The following DOK6 variants were observed in gnomAD, a reference collection of about 807,000 sequenced individuals.
DOK6 encodes downstream of tyrosine kinase 6.
Under a neutral mutation model 44.0 loss-of-function variants are expected in DOK6, and 22 were observed. The ratio of observed to expected loss-of-function variants is 0.50; its 90% confidence interval spans 0.36 to 0.71. The LOEUF (loss-of-function observed/expected upper bound fraction) is 0.71. Ranked by LOEUF, DOK6 falls within the 30% of genes least tolerant of loss-of-function variation. The pLI, the probability that DOK6 is intolerant of heterozygous loss-of-function variation, is 0.00. For missense variants in DOK6, 340 were observed against 416.4 expected (o/e 0.82, Z 1.60); for synonymous variants, 166 against 145.5 (o/e 1.14, Z -1.01).
chr18:69,659,857 T>C (rs1342757002), intron 3 of DOK6: 8 of 117,866 alleles, frequency 6.8e-5, no homozygotes, highest in Admixed American at 1.1e-4. Context: ...ATGTTATATA[T>C]ATATATATAA....
At chr18:69,813,623 G>A (rs1430652864) in intron 7 of DOK6, among the ~76,000 whole-genome samples, 1 of 152,138 alleles carries the variant, frequency 6.6e-6, no homozygotes, top group Non-Finnish European at 1.5e-5. Flanking sequence ...TAAGCAAGCT[G>A]GGTTTCATCT....
chr18:69,767,588 C>A, intron 7 of DOK6, among the ~76,000 whole-genome samples: 1 of 152,074 alleles, frequency 6.6e-6, no homozygotes, highest in East Asian at 1.9e-4. Flanking sequence ...CCCACCCTAC[C>A]ACTTACCCTC....
At chr18:69,661,569 A>G (rs1230803170) in intron 3 of DOK6, 1 of 152,238 alleles carries the variant, frequency 6.6e-6, no homozygotes, top group Non-Finnish European at 1.5e-5. Flanking sequence ...CCTTCCTATT[A>G]TACTCTGTAG....
chr18:69,566,173 T>C (rs1982975456), intron 2 of DOK6, among the ~76,000 whole-genome samples: 1 of 152,126 alleles, frequency 6.6e-6, no homozygotes, highest in Non-Finnish European at 1.5e-5. Flanking sequence ...AGTCTGGCTC[T>C]GTCACCCAGG....
At chr18:69,543,098 G>A in intron 1 of DOK6, among the ~76,000 whole-genome samples, 1 of 151,406 alleles carries the variant, frequency 6.6e-6, no homozygotes. Flanking sequence ...ACCCCGTAAT[G>A]GCCTTAGATT....
chr18:69,666,999 C>CT (rs1985677506), intron 3 of DOK6, among the ~76,000 whole-genome samples: 1 of 152,116 alleles, frequency 6.6e-6, no homozygotes, highest in Non-Finnish European at 1.5e-5. Flanking sequence ...AGGACCCCCC[C>CT]TCCCCGCCAT....
chr18:69,594,182 A>AT (rs35613271), intron 2 of DOK6, among the ~76,000 whole-genome samples: 4,282 of 148,108 alleles, frequency 0.029, 169 homozygotes, highest in African/African-American at 0.1. Context: ...ATTGATGTTT[A>AT]TTTTTTTTTT....
intron 7 of DOK6, among the ~76,000 whole-genome samples, chr18:69,792,183 T>G (rs148212417): frequency 1.3e-5 from 2 of 152,278 alleles, no homozygotes; most frequent in Non-Finnish European, 2.9e-5. Flanking sequence ...AGTCGAGTAA[T>G]GTGATTCTTC....
chr18:69,760,069 C>T (rs757224026), intron 7 of DOK6, among the ~76,000 whole-genome samples: 31 of 152,146 alleles, frequency 2.0e-4, no homozygotes, highest in Admixed American at 6.5e-5. Context: ...TGATAGTAGG[C>T]AGGCATATAA....
At chr18:69,787,462 G>A (rs558809246) in intron 7 of DOK6, among the ~76,000 whole-genome samples, 1 of 152,240 alleles carries the variant, frequency 6.6e-6, no homozygotes, top group Admixed American at 6.5e-5. Context: ...AAGAGAAAAT[G>A]GAATCAATAC....
intron 3 of DOK6, among the ~76,000 whole-genome samples, chr18:69,653,875 C>G (rs953237017): frequency 6.8e-5 from 7 of 102,456 alleles, no homozygotes; most frequent in African/African-American, 2.1e-4. Context: ...TTCAAACAAG[C>G]ATTCAATTAA....
intron 4 of DOK6, among the ~76,000 whole-genome samples, chr18:69,683,276 C>T (rs1215602487): frequency 1.3e-5 from 2 of 152,188 alleles, no homozygotes; most frequent in African/African-American, 2.4e-5. Context: ...ACAATAATGA[C>T]GACCTGCTCT....
At chr18:69,826,126 A>G (rs549935102) in intron 7 of DOK6, among the ~76,000 whole-genome samples, 28 of 152,100 alleles carry the variant, frequency 1.8e-4, no homozygotes, top group Non-Finnish European at 4.0e-4. Flanking sequence ...CAGGTCTATT[A>G]AGTAAATTGA....
At chr18:69,815,201 C>T (rs1441623752) in intron 7 of DOK6, among the ~76,000 whole-genome samples, 1 of 152,048 alleles carries the variant, frequency 6.6e-6, no homozygotes, top group Non-Finnish European at 1.5e-5. Flanking sequence ...AGGCGGGCCA[C>T]ACATCCTCCT....
At position 69,619,974 on chromosome 18, in the gene DOK6, T is replaced by G. The variant is rs1984402150; in HGVS notation, c.289+20476T>G. Among the ~76,000 whole-genome samples, 3 of 152,200 alleles carry G rather than the reference T, an allele frequency of 2.0e-5. No homozygotes were observed. The South Asian group carries it at 6.2e-4, about 31-fold the overall frequency. On this transcript the variant is annotated intron_variant, in intron 3 of 7. Coordinates refer to ENST00000382713, the MANE Select transcript of DOK6 (RefSeq NM_152721.6). The stretch of plus-strand genomic sequence containing the variant: ...ATGTTTCCTTTATATTTTTATATTC[T>G]AAAGGTTGTTAAATTAGTATGTTTT...
intron 1 of DOK6, among the ~76,000 whole-genome samples, chr18:69,453,810 G>T (rs1979542790): frequency 2.0e-5 from 1 of 50,668 alleles, no homozygotes; most frequent in Non-Finnish European, 3.4e-5. Flanking sequence ...AATGGGGAAA[G>T]GATTCCCTAT....
At chr18:69,444,311 G>A (rs1201182017) in intron 1 of DOK6, among the ~76,000 whole-genome samples, 1 of 152,106 alleles carries the variant, frequency 6.6e-6, no homozygotes, top group Non-Finnish European at 1.5e-5. Flanking sequence ...TCTCATGATG[G>A]CTGAATATTT....
rs58503917 is a variant in DOK6, at chr18:69,713,464, G to A, written c.599+14871G>A. Among the ~76,000 whole-genome samples the A allele has an allele frequency of 4.8e-3, 738 of 152,258 alleles. 4 individuals are homozygous for A. Among genetic ancestry groups the A allele is most frequent in the African/African-American group, 0.016 (678 of 41,544 alleles). ...TGTATTCCAGAGGTTCCTAACAACT[G>A]AATGCAACTCTCTTAACACAAATAT... is the stretch of plus-strand genomic sequence containing the variant. On this transcript the variant is annotated intron_variant, in intron 5 of 7. Transcript: ENST00000382713.
chr18:69,624,542 C>G (rs1396617950), intron 3 of DOK6, among the ~76,000 whole-genome samples: 1 of 152,054 alleles, frequency 6.6e-6, no homozygotes, highest in Non-Finnish European at 1.5e-5. Context: ...AAATCTGTCA[C>G]TTTAATCACT....
Sources: gnomAD v4.1 joint callset for allele counts (sites outside exome capture counted in the v4.1 genomes callset) on GRCh38, gnomAD v4.1.1 for gene constraint, MANE v1.5 for transcripts, NCBI Gene and HGNC (gene_info 2026-07-23, HGNC 2026-07-21) for gene names.